The following SAMSN1 variants were observed in gnomAD, a reference collection of about 807,000 sequenced individuals.
SAMSN1 encodes the protein SAM domain-containing protein SAMSN-1.
In SAMSN1, 31 loss-of-function variants were observed where a neutral mutation model predicts 42.0. That is an observed-to-expected ratio of 0.74 (90% CI 0.55 to 1.00). The LOEUF (loss-of-function observed/expected upper bound fraction) is 1.00. SAMSN1 is among the 50% of genes least tolerant of loss of function. The pLI, the probability that SAMSN1 is intolerant of heterozygous loss-of-function variation, is 0.00. For missense variants in SAMSN1, 464 were observed against 439.4 expected (o/e 1.06, Z -0.50); for synonymous variants, 178 against 151.9 (o/e 1.17, Z -1.26).
chr21:14,611,522 T>G (rs771125142), intron 4 of SAMSN1, among the ~76,000 whole-genome samples: 48 of 152,340 alleles, frequency 3.2e-4, no homozygotes, highest in Non-Finnish European at 5.4e-4. Context: ...AAAAGGCAGT[T>G]GATCATCAAG....
intron 7 of SAMSN1, among the ~76,000 whole-genome samples, chr21:14,488,694 T>G (rs1338008140): frequency 1.3e-5 from 2 of 152,200 alleles, no homozygotes; most frequent in Non-Finnish European, 2.9e-5. Context: ...GGTCATTTAT[T>G]GTAGAAACCT....
In SAMSN1 at chr21:14,642,863, A is replaced by G. The variant is rs532452118; in HGVS notation, c.156+139T>C. The G allele has an allele frequency of 2.1e-5, 12 of 569,800 alleles. No homozygotes were observed. The East Asian group carries it at 3.3e-4, about 16-fold the overall frequency. 35.3% of individuals were successfully genotyped at this position (569,800 alleles called of 1,614,324 possible). On this transcript the variant is annotated intron_variant, in intron 2 of 15. Transcript: ENST00000647101. ...AATCATAAAAAAGACAACAAGAAAG[A>G]GAAAAGCAGAAACTAAAGGAAAAGG...
intron 2 of SAMSN1, among the ~76,000 whole-genome samples, chr21:14,520,721 C>T (rs1978403646): frequency 6.6e-6 from 1 of 152,050 alleles, no homozygotes; most frequent in African/African-American, 2.4e-5. Flanking sequence ...TAATAATGCC[C>T]ACCTGTGCAC....
At chr21:14,516,810 T>C in intron 3 of SAMSN1, 82 bp downstream of exon 3, 2 of 1,165,158 alleles carry the variant, frequency 1.7e-6, no homozygotes, top group Non-Finnish European at 2.4e-6. Flanking sequence ...CTTCATAAAG[T>C]ACCAAGCACT....
At chr21:14,586,773 T>C (rs1981931825), upstream of SAMSN1, among the ~76,000 whole-genome samples, 1 of 152,132 alleles carries the variant, frequency 6.6e-6, no homozygotes, top group African/African-American at 2.4e-5. Context: ...ACCAGATATG[T>C]GAAGATTTAG....
At chr21:14,515,098 A>T (rs745948171) in intron 3 of SAMSN1, among the ~76,000 whole-genome samples, 25 of 152,186 alleles carry the variant, frequency 1.6e-4, no homozygotes, top group Non-Finnish European at 3.1e-4. Flanking sequence ...GATGTTTTAT[A>T]TGTAAGGAAA....
chr21:14,542,530 T>G (rs1980109695), intron 1 of SAMSN1, among the ~76,000 whole-genome samples: 1 of 152,218 alleles, frequency 6.6e-6, no homozygotes, highest in African/African-American at 2.4e-5. Flanking sequence ...AATTGTTATG[T>G]TCTATAATTT....
chr21:14,640,884 G>C (rs1193165121), intron 2 of SAMSN1, among the ~76,000 whole-genome samples: 1 of 151,982 alleles, frequency 6.6e-6, no homozygotes, highest in Middle Eastern at 3.2e-3. Context: ...GAGAAAGACA[G>C]AGCTATAGCA....
intron 2 of SAMSN1, among the ~76,000 whole-genome samples, chr21:14,574,906 A>G (rs1009379043): frequency 8.5e-5 from 13 of 152,234 alleles, no homozygotes; most frequent in African/African-American, 3.1e-4. Flanking sequence ...ATGTGTTTGC[A>G]TGTCTGGCGA....
chr21:14,650,961 A>T (rs937984347), intron 1 of SAMSN1, among the ~76,000 whole-genome samples: 1 of 152,008 alleles, frequency 6.6e-6, no homozygotes, highest in Non-Finnish European at 1.5e-5. Flanking sequence ...CATACAACCT[A>T]CCAAGATTGA....
intron 1 of SAMSN1, among the ~76,000 whole-genome samples, chr21:14,530,331 A>AG (rs1415096108): frequency 5.8e-5 from 6 of 103,932 alleles, no homozygotes; most frequent in African/African-American, 1.6e-4. Context: ...AAAAAAAAAA[A>AG]AAAAAGAAAG....
In SAMSN1 at chr21:14,577,236, GTGTATATATATA is replaced by G. The variant is rs1227336555; in HGVS notation, c.261+4888_261+4899del. On this transcript the variant is annotated intron_variant, in intron 2 of 8. Transcript: ENST00000285670. ...ATGGTGGGCTAATTTATATATATGTGTGTATATATATATATATATATATATATATATATATAT... is the reference window on the plus strand; with the variant it reads ...ATGGTGGGCTAATTTATATATATGTGTATATATATATATATATATATATAT... Among the ~76,000 whole-genome samples the G allele has an allele frequency of 1.5e-3, 46 of 30,856 alleles. 6 individuals are homozygous for G. The highest frequency in any genetic ancestry group is 6.4e-3 in the East Asian group (5 of 784). 20.2% of individuals were successfully genotyped at this position (30,856 alleles called of 152,430 possible). A position where few individuals can be genotyped will look rare whatever the true frequency, so the allele number is the denominator to read the frequency against.
upstream of SAMSN1, among the ~76,000 whole-genome samples, chr21:14,549,168 A>T (rs1568804292): frequency 6.6e-6 from 1 of 152,168 alleles, no homozygotes; most frequent in South Asian, 2.1e-4. Context: ...TATTTAGTGT[A>T]TTGCTAAAAC....
intron 5 of SAMSN1, among the ~76,000 whole-genome samples, chr21:14,505,615 C>G (rs1004249003): frequency 6.6e-6 from 1 of 152,058 alleles, no homozygotes; most frequent in Non-Finnish European, 1.5e-5. Context: ...ACTAATAGGC[C>G]TAAGAAATGA....
chr21:14,570,929 G>A (rs895592884), intron 2 of SAMSN1, among the ~76,000 whole-genome samples: 1 of 152,136 alleles, frequency 6.6e-6, no homozygotes, highest in African/African-American at 2.4e-5. Flanking sequence ...ACCATATGTG[G>A]TCTGACTCCT....
chr21:14,597,713 T>A (rs1227884166), intron 6 of SAMSN1, among the ~76,000 whole-genome samples: 1 of 151,798 alleles, frequency 6.6e-6, no homozygotes, highest in African/African-American at 2.4e-5. Flanking sequence ...AGACATAGGG[T>A]TTCCAACCCG....
At chr21:14,583,787 C>T (rs534464601), upstream of SAMSN1, 1 of 716,528 alleles carries the variant, frequency 1.4e-6, no homozygotes, top group Non-Finnish European at 2.6e-6. Context: ...CTAGCACAAA[C>T]ACAGCTCAAG....
At position 14,530,333 on chromosome 21, in the gene SAMSN1, A is replaced by AG. The variant is rs1555833451; in HGVS notation, c.58-9113_58-9112insC. 1.3e-3 allele frequency among the ~76,000 whole-genome samples: 75 copies of AG among 56,820 alleles called. 1 individual carries two copies. Among genetic ancestry groups the AG allele is most frequent in the East Asian group, 4.1e-3 (4 of 984 alleles). 37.3% of individuals were successfully genotyped at this position (56,820 alleles called of 152,430 possible). A position where few individuals can be genotyped will look rare whatever the true frequency, so the allele number is the denominator to read the frequency against. On this transcript the variant is annotated intron_variant, in intron 1 of 7. Transcript: ENST00000400566. ...CTCCGTCTCAAAAAAAAAAAAAAAA[A>AG]AAAGAAAGAAATAATCACCAAATCC...
chr21:14,518,309 G>A (rs888369058), intron 2 of SAMSN1, among the ~76,000 whole-genome samples: 2 of 152,148 alleles, frequency 1.3e-5, no homozygotes, highest in Non-Finnish European at 2.9e-5. Flanking sequence ...TATTGTCTGC[G>A]TCTCCCACTA....
Sources: gnomAD v4.1 joint callset for allele counts (sites outside exome capture counted in the v4.1 genomes callset) on GRCh38, gnomAD v4.1.1 for gene constraint, MANE v1.5 for transcripts, NCBI Gene and HGNC (gene_info 2026-07-23, HGNC 2026-07-21) for gene names.